Variants in PDE8B observed in about 807,000 individuals in gnomAD.
The protein encoded by PDE8B is high affinity cAMP-specific and IBMX-insensitive 3',5'-cyclic phosphodiesterase 8B.
Under a neutral mutation model 101.3 loss-of-function variants are expected in PDE8B, and 26 were observed. That is an observed-to-expected ratio of 0.26 (90% confidence interval 0.19 to 0.36). The LOEUF (loss-of-function observed/expected upper bound fraction) is 0.36, where lower values mean the gene tolerates loss of function less well. Ranked by LOEUF, PDE8B falls within the 10% of genes least tolerant of loss-of-function variation. The pLI is 1.00. For missense variants in PDE8B, 810 were observed against 1,163.1 expected (o/e 0.70, Z 4.42); for synonymous variants, 424 against 429.3 (o/e 0.99, Z 0.15).
intron 10 of PDE8B, among the ~76,000 whole-genome samples, chr5:77,375,054 G>A (rs1785804971): frequency 6.6e-6 from 1 of 152,150 alleles, no homozygotes; most frequent in African/African-American, 2.4e-5. Context: ...GTTCCCAGAG[G>A]ATACAGCTGT....
intron 1 of PDE8B, among the ~76,000 whole-genome samples, chr5:77,298,607 G>C (rs1769158321): frequency 6.6e-6 from 1 of 152,126 alleles, no homozygotes; most frequent in Non-Finnish European, 1.5e-5. Context: ...AAAGAGGCTG[G>C]ACTTACACCA....
intron 1 of PDE8B, among the ~76,000 whole-genome samples, chr5:77,280,621 C>A (rs1277826085): frequency 1.3e-5 from 2 of 152,130 alleles, no homozygotes; most frequent in South Asian, 2.1e-4. Flanking sequence ...ACTGGCCAGG[C>A]GCGGTGGCTC....
intron 1 of PDE8B, among the ~76,000 whole-genome samples, chr5:77,228,755 T>C (rs893050074): frequency 5.9e-5 from 9 of 152,188 alleles, no homozygotes; most frequent in African/African-American, 1.9e-4. Flanking sequence ...GAATGAAGAC[T>C]TTATCAAGGT....
intron 1 of PDE8B, among the ~76,000 whole-genome samples, chr5:77,250,417 T>C (rs1757842565): frequency 6.6e-6 from 1 of 152,166 alleles, no homozygotes; most frequent in Non-Finnish European, 1.5e-5. Flanking sequence ...CTCTTGACCC[T>C]GGGGTATATG....
chr5:77,101,797 A>G, the PDE8B span, among the ~76,000 whole-genome samples: 1 of 152,126 alleles, frequency 6.6e-6, no homozygotes, highest in South Asian at 2.1e-4. Flanking sequence ...AGGTACTTAC[A>G]TGAGGTGCTT....
At chr5:77,219,314 C>G (rs1750557746) in intron 1 of PDE8B, among the ~76,000 whole-genome samples, 1 of 152,128 alleles carries the variant, frequency 6.6e-6, no homozygotes. Context: ...AACCTGTTTT[C>G]TCTCAAATAG....
the PDE8B span, chr5:77,114,782 A>G: frequency 6.6e-6 from 1 of 152,276 alleles, no homozygotes; most frequent in Non-Finnish European, 1.5e-5. Context: ...TGATGACAAC[A>G]ATAAACATAA....
rs1748091957 is a variant in PDE8B, at chr5:77,210,788, G to A, written c.-138G>A. 1 of 983,484 alleles carries A rather than the reference G, an allele frequency of 1.0e-6. No individual in the cohort carries two copies. The allele number at this position is 983,484 out of a possible 1,614,324, so 60.9% of individuals were successfully genotyped here. A position where few individuals can be genotyped will look rare whatever the true frequency, so the allele number is the denominator to read the frequency against. ...CGGGGGGCACCGCGGCCAGCCCGAC[G>A]GAGCGGCGGACACACAGGCCGGGGG... On this transcript the variant is annotated 5_prime_UTR_variant, in exon 1 of 22. Transcript: ENST00000264917. The surrounding 1 kb of genome is among the most constrained non-coding windows in gnomAD (Gnocchi z 4.9).
intron 1 of PDE8B, among the ~76,000 whole-genome samples, chr5:77,225,848 GCACACACA>G (rs3087185): frequency 1.1e-3 from 156 of 144,266 alleles, no homozygotes; most frequent in East Asian, 5.8e-3. Context: ...ACATGCGCGT[GCACACACA>G]CACACACACA....
chr5:77,150,127 C>T, the PDE8B span, among the ~76,000 whole-genome samples: 9 of 152,134 alleles, frequency 5.9e-5, no homozygotes, highest in Non-Finnish European at 1.2e-4. Context: ...TGCACTTTAC[C>T]AGTGTCCATA....
intron 2 of PDE8B, among the ~76,000 whole-genome samples, chr5:77,317,646 C>A (rs1036577246): frequency 2.6e-5 from 4 of 152,154 alleles, no homozygotes; most frequent in Non-Finnish European, 4.4e-5. Context: ...GGCAGAGATT[C>A]AAATCAACAT....
intron 19 of PDE8B, among the ~76,000 whole-genome samples, chr5:77,420,274 G>A (rs1008476525): frequency 6.6e-6 from 1 of 152,098 alleles, no homozygotes; most frequent in Non-Finnish European, 1.5e-5. Context: ...AACAAAGAAT[G>A]TTCCTGATTC....
intron 5 of PDE8B, among the ~76,000 whole-genome samples, chr5:77,335,448 G>T (rs1777963468): frequency 6.6e-6 from 1 of 152,082 alleles, no homozygotes; most frequent in Admixed American, 6.6e-5. Context: ...CGTAAGAATT[G>T]TGGAGGACCA....
At chr5:77,150,659 A>G in the PDE8B span, among the ~76,000 whole-genome samples, 1 of 152,364 alleles carries the variant, frequency 6.6e-6, no homozygotes. Flanking sequence ...TTACAGGAAT[A>G]ATCATAGTCA....
chr5:77,396,667 A>G (rs1791128748), intron 10 of PDE8B, among the ~76,000 whole-genome samples: 1 of 151,972 alleles, frequency 6.6e-6, no homozygotes, highest in African/African-American at 2.4e-5. Context: ...ATCATTTTTC[A>G]TTCATTTTAA....
At chr5:77,090,205 G>A in the PDE8B span, among the ~76,000 whole-genome samples, 1 of 152,172 alleles carries the variant, frequency 6.6e-6, no homozygotes, top group Admixed American at 6.5e-5. Context: ...TGATAACACG[G>A]AAGGGTGACT....
chr5:77,190,795 A>G, the PDE8B span, among the ~76,000 whole-genome samples: 1 of 152,196 alleles, frequency 6.6e-6, no homozygotes, highest in Non-Finnish European at 1.5e-5. Flanking sequence ...GTCTCTCAGT[A>G]TATGCTCTAG....
chr5:77,187,540 T>G, the PDE8B span, among the ~76,000 whole-genome samples: 1 of 152,256 alleles, frequency 6.6e-6, no homozygotes, highest in East Asian at 1.9e-4. Flanking sequence ...GGACTGTCAT[T>G]GTTTGATGGG....
At chr5:77,351,443 C>T (rs1263430911) in intron 9 of PDE8B, among the ~76,000 whole-genome samples, 2 of 152,190 alleles carry the variant, frequency 1.3e-5, no homozygotes, top group Non-Finnish European at 2.9e-5. Context: ...TCCCTTTCCC[C>T]ATAACAACAA....
Sources: gnomAD v4.1 joint callset for allele counts (sites outside exome capture counted in the v4.1 genomes callset) on GRCh38, gnomAD v4.1.1 for gene constraint, Gnocchi (gnomAD v3.1) non-coding constraint, MANE v1.5 for transcripts, NCBI Gene and HGNC (gene_info 2026-07-23, HGNC 2026-07-21) for gene names.